ADAM12: variants seen among roughly 807,000 people sequenced by gnomAD.
ADAM12 encodes the protein disintegrin and metalloproteinase domain-containing protein 12.
ADAM12 carries 70 observed loss-of-function variants against 106.4 expected under a neutral mutation model. The ratio of observed to expected loss-of-function variants is 0.66; its 90% CI spans 0.54 to 0.80. ADAM12 has a LOEUF of 0.80. Ranked by LOEUF, ADAM12 falls within the 30% of genes least tolerant of loss-of-function variation. The probability of loss-of-function intolerance (pLI) is 0.00; values close to 1 mark genes in which losing one functional copy is unlikely to be tolerated. For synonymous variants in ADAM12, 420 were observed against 433.5 expected (o/e 0.97, Z 0.39); for missense variants, 1,010 against 1,171.9 (o/e 0.86, Z 2.02).
chr10:126,027,369 C>CA (rs1953893588), intron 21 of ADAM12, among the ~76,000 whole-genome samples: 1 of 152,160 alleles, frequency 6.6e-6, no homozygotes, highest in East Asian at 1.9e-4. Flanking sequence ...CTCTCTAACT[C>CA]ATTCTGTGAG....
At chr10:126,071,198 CT>C (rs55918728) in intron 12 of ADAM12, among the ~76,000 whole-genome samples, 32,112 of 152,042 alleles carry the variant, frequency 0.21, 3,603 homozygotes, top group South Asian at 0.28. Context: ...AAGCTAAACA[CT>C]TTTTTTTATT....
intron 3 of ADAM12, among the ~76,000 whole-genome samples, chr10:126,159,076 A>G (rs1050203601): frequency 2.5e-4 from 38 of 152,094 alleles, no homozygotes; most frequent in African/African-American, 3.6e-4. Context: ...TTGGGAGGCC[A>G]AGGCGGGCAG....
intron 3 of ADAM12, among the ~76,000 whole-genome samples, chr10:126,244,222 C>T (rs761077795): frequency 1.3e-5 from 2 of 152,176 alleles, no homozygotes; most frequent in East Asian, 1.9e-4. Flanking sequence ...TCAAAGGAAG[C>T]GAATGGCCAG....
Position 126,039,436 on chromosome 10 carries a change from C to G in ADAM12, c.2105-7G>C, listed in dbSNP as rs116311901. 3.6e-3 allele frequency: 5,890 copies of G among 1,613,852 alleles called. 111 individuals carry two copies. In the African/African-American group the frequency reaches 0.053, roughly 15 times the overall value. On this transcript the variant is annotated splice_polypyrimidine_tract_variant and splice_region_variant and intron_variant, in intron 18 of 22. Coordinates refer to ENST00000448723, the MANE Select transcript of ADAM12 (RefSeq NM_001288973.2). ...ATGGTTAAACCTTGGTTATCTGAAA[C>G]AAAACACATGGGGCTCACAGAAGGA... is the stretch of plus-strand genomic sequence containing the variant.
At chr10:126,385,322 G>C (rs556185691) in intron 1 of ADAM12, among the ~76,000 whole-genome samples, 6 of 152,114 alleles carry the variant, frequency 3.9e-5, no homozygotes, top group Admixed American at 2.0e-4. Context: ...CCTTCAATCC[G>C]TCTCCCCTCC....
chr10:126,340,465 G>A (rs560986847), intron 1 of ADAM12, among the ~76,000 whole-genome samples: 3 of 152,246 alleles, frequency 2.0e-5, no homozygotes, highest in African/African-American at 4.8e-5. Flanking sequence ...TAAGTAACTT[G>A]CCCAGGATCA....
intron 10 of ADAM12, among the ~76,000 whole-genome samples, chr10:126,095,391 G>A (rs547470803): frequency 3.7e-4 from 56 of 151,954 alleles, no homozygotes; most frequent in South Asian, 8.4e-4. Context: ...AAAACTAGCC[G>A]GGCGTGGTGG....
chr10:126,018,341 A>G (rs1953697702), intron 22 of ADAM12, among the ~76,000 whole-genome samples: 1 of 152,178 alleles, frequency 6.6e-6, no homozygotes, highest in African/African-American at 2.4e-5. Flanking sequence ...TGAACAGCCC[A>G]TGGGGTTGGG....
chr10:126,112,512 C>A (rs1329132460), intron 6 of ADAM12, among the ~76,000 whole-genome samples: 1 of 152,066 alleles, frequency 6.6e-6, no homozygotes, highest in Non-Finnish European at 1.5e-5. Context: ...GAGGCAGAGG[C>A]CTTCTTTGAA....
At chr10:126,051,062 T>C (rs571681846) in intron 14 of ADAM12, among the ~76,000 whole-genome samples, 16 of 152,266 alleles carry the variant, frequency 1.1e-4, no homozygotes, top group African/African-American at 3.9e-4. Context: ...TCAGCTCCTA[T>C]TAGGGACCTG....
chr10:126,183,405 G>A lies in ADAM12; in HGVS notation c.261-28100C>T, dbSNP rs944925161. 3.9e-5 allele frequency among the ~76,000 whole-genome samples: 6 copies of A among 152,116 alleles called. No homozygotes were observed. In the East Asian group the frequency reaches 5.8e-4, roughly 15 times the overall value. The stretch of plus-strand genomic sequence containing the variant: ...GGACCACTGCACTAGAACACCACCC[G>A]TGTGCGAGCAGGGCGTCACATTGTA... On this transcript the variant is annotated intron_variant, in intron 3 of 22. Transcript: ENST00000448723.
At chr10:126,093,116 A>ACG (rs1955495912) in intron 11 of ADAM12, among the ~76,000 whole-genome samples, 2 of 152,162 alleles carry the variant, frequency 1.3e-5, no homozygotes, top group African/African-American at 4.8e-5. Flanking sequence ...TTGGGCTGGA[A>ACG]TGTTCCATGA....
intron 4 of ADAM12, among the ~76,000 whole-genome samples, chr10:126,153,482 C>T (rs764935695): frequency 6.6e-6 from 1 of 152,182 alleles, no homozygotes; most frequent in Admixed American, 6.5e-5. Flanking sequence ...TGATTAAACA[C>T]GGCTTGTTTC....
At chr10:126,337,579 G>A (rs1267863307) in intron 1 of ADAM12, among the ~76,000 whole-genome samples, 1 of 152,192 alleles carries the variant, frequency 6.6e-6, no homozygotes, top group African/African-American at 2.4e-5. Flanking sequence ...TGCCCATCCA[G>A]CCTGGGAAAG....
At chr10:126,311,727 C>T (rs897927754) in intron 2 of ADAM12, among the ~76,000 whole-genome samples, 1 of 152,116 alleles carries the variant, frequency 6.6e-6, no homozygotes, top group East Asian at 1.9e-4. Flanking sequence ...CATCCATGTG[C>T]CAGGAGGGTG....
intron 3 of ADAM12, among the ~76,000 whole-genome samples, chr10:126,278,500 GATAAA>G (rs1456418466): frequency 6.6e-6 from 1 of 152,284 alleles, no homozygotes; most frequent in African/African-American, 2.4e-5. Context: ...AGCTTTGAAA[GATAAA>G]ATAAACTCTT....
At position 126,330,271 on chromosome 10, in the gene ADAM12, A is replaced by C. The variant is rs537738981; in HGVS notation, c.186+141T>G. 4.2e-6 allele frequency: 3 copies of C among 718,826 alleles called. No individual in the cohort carries two copies. In the African/African-American group the frequency reaches 5.4e-5, roughly 13 times the overall value. The allele number at this position is 718,826 out of a possible 1,614,324, so 44.5% of individuals were successfully genotyped here. The stretch of plus-strand genomic sequence containing the variant: ...AAATTGGTTTGCATATTTTTGGCTT[A>C]AGAATAAAGCTTCCATTCTCTAAGG... On this transcript the variant is annotated intron_variant, in intron 2 of 22. Coordinates refer to ENST00000448723, the MANE Select transcript of ADAM12 (RefSeq NM_001288973.2).
Position 126,155,392 on chromosome 10 carries a change from G to C in ADAM12, c.261-87C>G. 2.5e-6 allele frequency: 3 copies of C among 1,182,022 alleles called. No homozygotes were observed. The Admixed American group carries it at 7.1e-5, about 28-fold the overall frequency. 73.2% of individuals were successfully genotyped at this position (1,182,022 alleles called of 1,614,324 possible). ...GAATGTCTAGGCTATAGGGTAGCAA[G>C]ATTGTGACCTCCTTTTTTTTTTTTT... On this transcript the variant is annotated intron_variant, in intron 3 of 22. Transcript: ENST00000448723.
chr10:126,273,612 G>A (rs1047515807), intron 3 of ADAM12, among the ~76,000 whole-genome samples: 1 of 152,134 alleles, frequency 6.6e-6, no homozygotes, highest in Non-Finnish European at 1.5e-5. Flanking sequence ...GCTGGATCCC[G>A]AAGGACCAGC....
Sources: gnomAD v4.1 joint callset for allele counts (sites outside exome capture counted in the v4.1 genomes callset) on GRCh38, gnomAD v4.1.1 for gene constraint, MANE v1.5 for transcripts, NCBI Gene and HGNC (gene_info 2026-07-23, HGNC 2026-07-21) for gene names.